The following LEMD3 variants were observed in gnomAD, a reference collection of about 807,000 sequenced individuals.
LEMD3 encodes the protein LEM domain containing 3, also known as inner nuclear membrane protein Man1.
In LEMD3, 33 loss-of-function variants were observed where a neutral mutation model predicts 95.2. The observed-to-expected ratio is 0.35, with a 90% confidence interval of 0.26 to 0.46. LEMD3 has a LOEUF of 0.46. Among genes scored for constraint, LEMD3 ranks in the 20% least tolerant of loss-of-function variants. The pLI, the probability that LEMD3 is intolerant of heterozygous loss-of-function variation, is 1.00. For missense variants in LEMD3, 1,210 were observed against 1,192.8 expected (o/e 1.01, Z -0.21); for synonymous variants, 525 against 474.6 (o/e 1.11, Z -1.38).
chr12:65,175,166 G>A (rs1868676295), intron 1 of LEMD3, among the ~76,000 whole-genome samples: 1 of 152,198 alleles, frequency 6.6e-6, no homozygotes, highest in Non-Finnish European at 1.5e-5. Context: ...TAAACGCCTT[G>A]AGGGCCGTTG....
chr12:65,232,568 T>G (rs1403478048), intron 4 of LEMD3, among the ~76,000 whole-genome samples: 2 of 152,180 alleles, frequency 1.3e-5, no homozygotes, highest in African/African-American at 4.8e-5. Flanking sequence ...TTAAATAAAC[T>G]TAATAACTAA....
At chr12:65,189,687 A>G (rs1698262071) in intron 1 of LEMD3, among the ~76,000 whole-genome samples, 1 of 152,202 alleles carries the variant, frequency 6.6e-6, no homozygotes, top group South Asian at 2.1e-4. Context: ...TAATCACAAT[A>G]AGACTAATTT....
chr12:65,186,217 T>A (rs912259485), intron 1 of LEMD3, among the ~76,000 whole-genome samples: 2 of 151,394 alleles, frequency 1.3e-5, no homozygotes, highest in African/African-American at 4.9e-5. Context: ...CTCAAGAGAT[T>A]TTTTTTTTCT....
chr12:65,172,670 T>G (rs555485892), intron 1 of LEMD3, among the ~76,000 whole-genome samples: 1 of 151,798 alleles, frequency 6.6e-6, no homozygotes, highest in South Asian at 2.1e-4. Flanking sequence ...ACATTACCTA[T>G]CAGCAGTAGC....
intron 4 of LEMD3, among the ~76,000 whole-genome samples, chr12:65,230,631 T>C (rs1870596692): frequency 6.6e-6 from 1 of 152,216 alleles, no homozygotes; most frequent in Non-Finnish European, 1.5e-5. Context: ...TTATTTAATT[T>C]ATTTATCAGT....
intron 4 of LEMD3, among the ~76,000 whole-genome samples, chr12:65,231,474 C>T (rs1870626333): frequency 6.6e-6 from 1 of 151,978 alleles, no homozygotes; most frequent in African/African-American, 2.4e-5. Flanking sequence ...CATGTGAGCC[C>T]AGGTGGTGGA....
chr12:65,196,385 C>A (rs1869430190), intron 1 of LEMD3, among the ~76,000 whole-genome samples: 1 of 151,978 alleles, frequency 6.6e-6, no homozygotes, highest in South Asian at 2.1e-4. Flanking sequence ...TCCTGTTTTT[C>A]TAATGTGCCT....
chr12:65,218,681 C>A, intron 4 of LEMD3, 62 bp downstream of exon 4: 4 of 909,626 alleles, frequency 4.4e-6, no homozygotes, highest in Non-Finnish European at 6.9e-6. Context: ...ATCATTGCTA[C>A]TTGTAAGAAT....
chr12:65,189,280 G>A (rs1335256282), intron 1 of LEMD3, among the ~76,000 whole-genome samples: 1 of 152,136 alleles, frequency 6.6e-6, no homozygotes, highest in African/African-American at 2.4e-5. Context: ...GTCATCAAAG[G>A]ACTGGTGTAT....
At chr12:65,193,576 G>A (rs142716409) in intron 1 of LEMD3, among the ~76,000 whole-genome samples, 1 of 152,070 alleles carries the variant, frequency 6.6e-6, no homozygotes, top group Non-Finnish European at 1.5e-5. Flanking sequence ...CCACTCGCCC[G>A]ACTCCTGACA....
chr12:65,224,440 A>G (rs949135075), intron 4 of LEMD3, among the ~76,000 whole-genome samples: 39 of 152,204 alleles, frequency 2.6e-4, no homozygotes, highest in African/African-American at 8.9e-4. Context: ...TGAAAATATT[A>G]AATGGAAAAT....
intron 4 of LEMD3, among the ~76,000 whole-genome samples, chr12:65,225,100 CT>C (rs2136345362): frequency 6.6e-6 from 1 of 152,140 alleles, no homozygotes; most frequent in East Asian, 1.9e-4. Flanking sequence ...TATTTTCTGT[CT>C]CTTTGTTGAT....
chr12:65,171,482 A>G (rs80164471), intron 1 of LEMD3: 2,878 of 270,976 alleles, frequency 0.011, 123 homozygotes, highest in East Asian at 0.1. Context: ...AAGGCACATT[A>G]TAAATGTAGT....
intron 4 of LEMD3, among the ~76,000 whole-genome samples, chr12:65,219,481 G>T (rs771662390): frequency 2.0e-5 from 3 of 152,188 alleles, no homozygotes; most frequent in Non-Finnish European, 4.4e-5. Context: ...AAATGGAAAC[G>T]TTGATCCCTG....
Position 65,170,428 on chromosome 12 carries a change from G to A in LEMD3, c.832G>A (p.Asp278Asn). 1 of 1,614,068 alleles carries A rather than the reference G, an allele frequency of 6.2e-7. No homozygotes were observed. The highest frequency in any genetic ancestry group is 2.2e-5 in the East Asian group (1 of 44,840). The change falls in exon 1 of 13, where the codon GAC becomes AAC. Residue 278 changes from aspartate (D) to asparagine (N), a missense_variant. Around this residue, in one of 2 missense-constraint regions of LEMD3, gnomAD observed 749 missense variants for 622.9 expected, o/e 1.20. Transcript: ENST00000308330. Reference protein sequence around the residue: ...DVASSRQVLKDDSLSRHRPRR... With the variant: ...DVASSRQVLKNDSLSRHRPRR... The stretch of plus-strand genomic sequence containing the variant: ...GGCCTCCAGCAGACAGGTATTAAAG[G>A]ACGACTCCCTTTCCCGGCATCGGCC...
chr12:65,192,918 C>G (rs988460396), intron 1 of LEMD3, among the ~76,000 whole-genome samples: 2 of 152,100 alleles, frequency 1.3e-5, no homozygotes, highest in African/African-American at 4.8e-5. Context: ...ACAAAGCTAG[C>G]CATTATCAAG....
At chr12:65,200,800 A>C (rs757922149) in intron 1 of LEMD3, among the ~76,000 whole-genome samples, 7 of 152,236 alleles carry the variant, frequency 4.6e-5, no homozygotes, top group East Asian at 1.9e-4. Flanking sequence ...ATGGAGCAGA[A>C]ATTTTTTAAT....
intron 1 of LEMD3, among the ~76,000 whole-genome samples, chr12:65,195,699 G>A (rs1048978521): frequency 6.6e-6 from 1 of 152,056 alleles, no homozygotes; most frequent in South Asian, 2.1e-4. Context: ...ACAACAAGAT[G>A]GCCAGGAAAA....
intron 1 of LEMD3, among the ~76,000 whole-genome samples, chr12:65,197,946 A>G (rs1223668953): frequency 6.6e-6 from 1 of 152,140 alleles, no homozygotes; most frequent in Non-Finnish European, 1.5e-5. Flanking sequence ...GGAGATAATC[A>G]TTGAAGATGT....
Sources: gnomAD v4.1 joint callset for allele counts (sites outside exome capture counted in the v4.1 genomes callset) on GRCh38, gnomAD v4.1.1 for gene constraint, gnomAD v4.1.1 regional missense constraint, MANE v1.5 for transcripts, NCBI Gene and HGNC (gene_info 2026-07-23, HGNC 2026-07-21) for gene names.